Variants in FBXO42 observed in about 807,000 individuals in gnomAD.
FBXO42 encodes F-box only protein 42.
In FBXO42, 12 loss-of-function variants were observed where a neutral mutation model predicts 71.7. The observed-to-expected ratio is 0.17, with a 90% CI of 0.11 to 0.27. The LOEUF is 0.27. FBXO42 is among the 10% of genes least tolerant of loss of function. The pLI, the probability that FBXO42 is intolerant of heterozygous loss-of-function variation, is 1.00. For missense variants in FBXO42, 707 were observed against 911.9 expected, an observed-to-expected ratio of 0.78 and a Z score of 2.89; for synonymous variants, 325 against 327.5, an observed-to-expected ratio of 0.99 and a Z score of 0.08.
At chr1:16,320,996 T>C (rs1216378120) in intron 1 of FBXO42, among the ~76,000 whole-genome samples, 2 of 152,156 alleles carry the variant, frequency 1.3e-5, no homozygotes, top group Non-Finnish European at 2.9e-5. Flanking sequence ...AATGAATCAA[T>C]GGAGGCTGCA....
intron 4 of FBXO42, among the ~76,000 whole-genome samples, chr1:16,261,602 G>GA (rs1307866859): frequency 6.6e-6 from 1 of 151,980 alleles, no homozygotes; most frequent in Non-Finnish European, 1.5e-5. Context: ...GGGTGAACTG[G>GA]AAAAAAACTT....
chr1:16,330,426 G>A (rs2100607227), intron 1 of FBXO42, among the ~76,000 whole-genome samples: 1 of 152,114 alleles, frequency 6.6e-6, no homozygotes, highest in Non-Finnish European at 1.5e-5. Flanking sequence ...AGGATGGCTT[G>A]AGCCCAAGAG....
intron 2 of FBXO42, among the ~76,000 whole-genome samples, chr1:16,311,432 G>A (rs532031543): frequency 6.8e-6 from 1 of 146,246 alleles, no homozygotes; most frequent in African/African-American, 2.5e-5. Context: ...AGGCCGCAAT[G>A]AGCTATGACC....
intron 2 of FBXO42, among the ~76,000 whole-genome samples, chr1:16,307,865 C>T (rs1167656036): frequency 6.6e-6 from 1 of 152,172 alleles, no homozygotes; most frequent in Non-Finnish European, 1.5e-5. Flanking sequence ...TTCTTCCCAA[C>T]TTGATCAACA....
rs536634316 is a variant in FBXO42 at position 16,329,585 on chromosome 1, AAATC to A, written c.-17-14154_-17-14151del. 8.0e-5 allele frequency among the ~76,000 whole-genome samples: 12 copies of A among 150,740 alleles called. No individual in the cohort carries two copies. The East Asian group carries it at 2.0e-3, about 25-fold the overall frequency. On this transcript the variant is annotated intron_variant, in intron 1 of 9. Coordinates refer to ENST00000375592, the MANE Select transcript of FBXO42 (RefSeq NM_018994.3). The stretch of plus-strand genomic sequence containing the variant: ...GGAGACAGAGAGAGACTCCATCTAT[AAATC>A]AATCAATCAATCAATCCCAAAGTAC...
chr1:16,274,127 T>C (rs1350788947), intron 4 of FBXO42, among the ~76,000 whole-genome samples: 1 of 151,652 alleles, frequency 6.6e-6, no homozygotes, highest in African/African-American at 2.4e-5. Context: ...CTGGGAGACA[T>C]AGCAGTACCC....
intron 1 of FBXO42, among the ~76,000 whole-genome samples, chr1:16,347,760 CGGGCAGATCA>C (rs1041145237): frequency 6.6e-6 from 1 of 152,014 alleles, no homozygotes; most frequent in Non-Finnish European, 1.5e-5. Context: ...GAGGCCGAGG[CGGGCAGATCA>C]CGAGGTCTGG....
intron 2 of FBXO42, among the ~76,000 whole-genome samples, chr1:16,311,487 C>CAAA (rs138051911): frequency 3.1e-4 from 34 of 110,758 alleles, no homozygotes; most frequent in African/African-American, 9.1e-4. Context: ...GATCTTGTCT[C>CAAA]AAAAAAAAAA....
chr1:16,326,449 C>T (rs1185500568), intron 1 of FBXO42, among the ~76,000 whole-genome samples: 1 of 151,300 alleles, frequency 6.6e-6, no homozygotes, highest in Non-Finnish European at 1.5e-5. Flanking sequence ...TTTGGGAGGC[C>T]AAGGCAAGTG....
At chr1:16,276,197 C>T (rs965596745) in intron 4 of FBXO42, among the ~76,000 whole-genome samples, 2 of 151,602 alleles carry the variant, frequency 1.3e-5, no homozygotes, top group Non-Finnish European at 2.9e-5. Context: ...CTGGCTAACA[C>T]GGTGAAACCC....
chr1:16,312,563 A>G (rs1179181736), intron 2 of FBXO42, among the ~76,000 whole-genome samples: 3 of 152,154 alleles, frequency 2.0e-5, no homozygotes. Flanking sequence ...AGGGCAGTGA[A>G]GCTATTATGA....
At chr1:16,283,319 G>C (rs984061107) in intron 4 of FBXO42, among the ~76,000 whole-genome samples, 1 of 152,022 alleles carries the variant, frequency 6.6e-6, no homozygotes, top group African/African-American at 2.4e-5. Context: ...ACCTGGAATT[G>C]CATGTGTGAC....
chr1:16,325,567 T>C (rs559309947), intron 1 of FBXO42, among the ~76,000 whole-genome samples: 1 of 152,336 alleles, frequency 6.6e-6, no homozygotes, highest in African/African-American at 2.4e-5. Flanking sequence ...ATTAGTGTGC[T>C]ACCCAATTAA....
intron 3 of FBXO42, among the ~76,000 whole-genome samples, chr1:16,297,866 CA>C (rs34942089): frequency 0.044 from 3,307 of 74,512 alleles, 100 homozygotes; most frequent in East Asian, 0.27. Flanking sequence ...GACTCCATCT[CA>C]AAAAAAAAAA....
chr1:16,312,615 C>T lies in FBXO42; in HGVS notation c.250+2554G>A, dbSNP rs183509325. On this transcript the variant is annotated intron_variant, in intron 2 of 9. Transcript: ENST00000375592. Reference sequence around the variant, plus strand: ...ATGTGTCATTATACATTCATCCAAACCCATAGAATGCACAACACCAAGCAT... The same window carrying T: ...ATGTGTCATTATACATTCATCCAAATCCATAGAATGCACAACACCAAGCAT... Among the ~76,000 whole-genome samples, 91 of 152,078 alleles carry T rather than the reference C, an allele frequency of 6.0e-4. 1 individual carries two copies. The highest frequency in any genetic ancestry group is 5.1e-3 in the Admixed American group (78 of 15,228).
chr1:16,321,650 T>C (rs2082409770), intron 1 of FBXO42, among the ~76,000 whole-genome samples: 1 of 151,826 alleles, frequency 6.6e-6, no homozygotes, highest in Non-Finnish European at 1.5e-5. Flanking sequence ...GTAAGGTTTA[T>C]TGACATGTCT....
intron 1 of FBXO42, among the ~76,000 whole-genome samples, chr1:16,335,796 G>T (rs1399610483): frequency 1.3e-5 from 2 of 150,820 alleles, no homozygotes; most frequent in Non-Finnish European, 1.5e-5. Context: ...GAACCTGAGA[G>T]GCAGAGGTTG....
intron 4 of FBXO42, among the ~76,000 whole-genome samples, chr1:16,264,804 A>T (rs770294357): frequency 2.0e-5 from 3 of 152,336 alleles, no homozygotes; most frequent in South Asian, 2.1e-4. Context: ...ATTCCCTAAA[A>T]CTGCTAATAG....
chr1:16,263,358 G>C (rs544691823), intron 4 of FBXO42, among the ~76,000 whole-genome samples: 7 of 152,208 alleles, frequency 4.6e-5, no homozygotes, highest in Admixed American at 2.6e-4. Flanking sequence ...TGAGGCAGGA[G>C]AATGGCGTGA....
Sources: gnomAD v4.1 joint callset for allele counts (sites outside exome capture counted in the v4.1 genomes callset) on GRCh38, gnomAD v4.1.1 for gene constraint, MANE v1.5 for transcripts, NCBI Gene and HGNC (gene_info 2026-07-23, HGNC 2026-07-21) for gene names.